The following SRSF11 variants were observed in gnomAD, a reference collection of about 807,000 sequenced individuals.
The protein encoded by SRSF11 is serine and arginine rich splicing factor 11.
A neutral mutation model predicts 56.0 loss-of-function variants in SRSF11; 9 were observed. That is an observed-to-expected ratio of 0.16 (90% CI 0.10 to 0.28). SRSF11 has a LOEUF of 0.28. SRSF11 is among the 10% of genes least tolerant of loss of function. SRSF11 has a pLI of 1.00. For synonymous variants in SRSF11, 222 were observed against 215.3 expected (o/e 1.03, Z -0.27); for missense variants, 421 against 600.7 (o/e 0.70, Z 3.13).
At chr1:70,235,224 C>T (rs1673694967) in intron 4 of SRSF11, among the ~76,000 whole-genome samples, 1 of 152,112 alleles carries the variant, frequency 6.6e-6, no homozygotes, top group Non-Finnish European at 1.5e-5. Flanking sequence ...TTAAAGGAGA[C>T]ATAATTCTAT....
Position 70,222,298 on chromosome 1 carries a change from T to A in SRSF11, c.203+459T>A, listed in dbSNP as rs1008483296. 2.6e-5 allele frequency among the ~76,000 whole-genome samples: 4 copies of A among 152,232 alleles called. No individual in the cohort carries two copies. The East Asian group carries it at 7.7e-4, about 29-fold the overall frequency. On this transcript the variant is annotated intron_variant, in intron 1 of 11. Coordinates refer to ENST00000370949, the MANE Select transcript of SRSF11 (RefSeq NM_001350605.2). The stretch of plus-strand genomic sequence containing the variant: ...TATTGTTATTGCTGTTATGTGGTTC[T>A]GGCCCAGCAATATAATTCAAAGATC...
intron 7 of SRSF11, among the ~76,000 whole-genome samples, chr1:70,243,080 A>G (rs149104299): frequency 2.6e-5 from 4 of 152,216 alleles, no homozygotes; most frequent in African/African-American, 4.8e-5. Context: ...AGGCATTACT[A>G]TGGGTTTTGA....
chr1:70,214,616 G>A (rs528916740), intron 1 of SRSF11, among the ~76,000 whole-genome samples: 1 of 152,028 alleles, frequency 6.6e-6, no homozygotes, highest in East Asian at 1.9e-4. Flanking sequence ...TATATTAAAC[G>A]ATATGAAAGA....
rs143611274 is a variant in SRSF11 at position 70,207,089 on chromosome 1, G to A, written c.-26+1309G>A. On this transcript the variant is annotated intron_variant, in intron 1 of 12. Transcript: ENST00000370950. ...TATTTTTTAGTAGAGACGGAGTTTC[G>A]CCATGTTGGTCAGGCTGGTCTCGAA... Among the ~76,000 whole-genome samples the A allele has an allele frequency of 1.5e-3, 222 of 151,716 alleles. 4 individuals are homozygous for A. In the South Asian group the frequency reaches 0.018, roughly 12 times the overall value.
At chr1:70,222,866 G>A (rs1670960572) in intron 1 of SRSF11, 1 of 152,112 alleles carries the variant, frequency 6.6e-6, no homozygotes, top group South Asian at 2.1e-4. Context: ...TGAGATATTT[G>A]TTAAGTATTA....
chr1:70,213,892 T>C (rs1278195191), intron 1 of SRSF11, among the ~76,000 whole-genome samples: 1 of 152,176 alleles, frequency 6.6e-6, no homozygotes, highest in Admixed American at 6.5e-5. Flanking sequence ...TAGCACCTTT[T>C]AAGTGTTATG....
chr1:70,221,871 A>G, intron 1 of SRSF11, 32 bp downstream of exon 1: 4 of 1,612,238 alleles, frequency 2.5e-6, no homozygotes, highest in Non-Finnish European at 3.4e-6. Flanking sequence ...TGTTCCTGCT[A>G]ACGCCGCCTC....
At chr1:70,232,663 C>T (rs986401758) in intron 3 of SRSF11, among the ~76,000 whole-genome samples, 1 of 152,178 alleles carries the variant, frequency 6.6e-6, no homozygotes, top group African/African-American at 2.4e-5. Flanking sequence ...CTTCTCTGAA[C>T]ACACTGTTAA....
At chr1:70,246,796 A>C in intron 8 of SRSF11, 22 bp from the exon 9 acceptor site, 1 of 1,563,232 alleles carries the variant, frequency 6.4e-7, no homozygotes, top group Non-Finnish European at 8.8e-7. Flanking sequence ...TAATGCATTC[A>C]TAAATTGTGT....
chr1:70,232,484 G>A, intron 3 of SRSF11, 107 bp downstream of exon 3: 1 of 780,020 alleles, frequency 1.3e-6, no homozygotes, highest in Admixed American at 2.7e-5. Context: ...AGTTCAGATA[G>A]CATTATCACA....
upstream of SRSF11, among the ~76,000 whole-genome samples, chr1:70,219,406 C>A (rs192264722): frequency 2.3e-4 from 35 of 152,272 alleles, no homozygotes; most frequent in African/African-American, 7.9e-4. Flanking sequence ...TATTTTAAAT[C>A]ATCTCTATAC....
rs1163246998 is a variant in SRSF11, at chr1:70,221,650, CCGT to C, written c.19_21del (p.Val7del). The C allele has an allele frequency of 1.4e-5, 23 of 1,611,360 alleles. No homozygotes were observed. Among genetic ancestry groups the C allele is most frequent in the Non-Finnish European group, 1.9e-5 (22 of 1,178,628 alleles). On this transcript the variant is annotated inframe_deletion, in exon 1 of 12. Coordinates refer to ENST00000370949, the MANE Select transcript of SRSF11 (RefSeq NM_001350605.2). ...CCGAGCAGCGCCATGAGCAACACTA[CCGT>C]CGTCCCCAGCACTGCAGGTCCGGGC...
At position 70,250,222 on chromosome 1, in the gene SRSF11, A is replaced by T. The variant is rs575275978; in HGVS notation, c.1119-143A>T. ...AGGACTGAACATTTTAGTCCTATAA[A>T]CAAGTTAGTTTTGTAGCCTGTGTTA... On this transcript the variant is annotated intron_variant, in intron 10 of 11. Coordinates refer to ENST00000370949, the MANE Select transcript of SRSF11 (RefSeq NM_001350605.2). 5.0e-6 allele frequency: 7 copies of T among 1,390,726 alleles called. No individual in the cohort carries two copies. In the African/African-American group the frequency reaches 5.8e-5, roughly 12 times the overall value. 86.1% of individuals were successfully genotyped at this position (1,390,726 alleles called of 1,614,324 possible).
upstream of SRSF11, among the ~76,000 whole-genome samples, chr1:70,219,594 T>C (rs1670326898): frequency 6.6e-6 from 1 of 152,242 alleles, no homozygotes; most frequent in African/African-American, 2.4e-5. Context: ...CCATTTTACA[T>C]AGGGGATTTG....
At chr1:70,228,063 A>C (rs1419866604) in intron 1 of SRSF11, among the ~76,000 whole-genome samples, 3 of 152,158 alleles carry the variant, frequency 2.0e-5, no homozygotes, top group Non-Finnish European at 4.4e-5. Flanking sequence ...GCCATTAGGA[A>C]GTTTCTAAGC....
intron 2 of SRSF11, chr1:70,230,380 G>A: frequency 9.1e-7 from 1 of 1,096,974 alleles, no homozygotes; most frequent in Non-Finnish European, 1.1e-6. Flanking sequence ...CTTGGTCAGT[G>A]TTTTAGAACA....
intron 1 of SRSF11, among the ~76,000 whole-genome samples, chr1:70,227,148 G>GT (rs761473030): frequency 2.0e-5 from 3 of 152,028 alleles, no homozygotes; most frequent in African/African-American, 7.2e-5. Context: ...AAATTATGGG[G>GT]TTTTTTGTTA....
chr1:70,218,034 G>A (rs559609583), upstream of SRSF11, among the ~76,000 whole-genome samples: 60 of 152,170 alleles, frequency 3.9e-4, no homozygotes, highest in African/African-American at 1.4e-3. Flanking sequence ...CTGTTGCCCA[G>A]GCTGGAGTGC....
At chr1:70,230,482 A>AT (rs769178836) in intron 2 of SRSF11, 6 of 1,231,770 alleles carry the variant, frequency 4.9e-6, no homozygotes, top group Admixed American at 3.4e-5. Context: ...GGATTTGGGG[A>AT]TTTTTTAGGT....
Sources: gnomAD v4.1 joint callset for allele counts (sites outside exome capture counted in the v4.1 genomes callset) on GRCh38, gnomAD v4.1.1 for gene constraint, MANE v1.5 for transcripts, NCBI Gene and HGNC (gene_info 2026-07-23, HGNC 2026-07-21) for gene names.